The following TEX101 variants were observed in gnomAD, a reference collection of about 807,000 sequenced individuals.
TEX101 encodes testis expressed 101.
TEX101 carries 10 observed loss-of-function variants against 18.1 expected under a neutral mutation model. The ratio of observed to expected loss-of-function variants is 0.55; its 90% CI spans 0.34 to 0.94. TEX101 has a LOEUF of 0.94. Ranked by LOEUF, TEX101 falls within the 40% of genes least tolerant of loss-of-function variation. The probability of loss-of-function intolerance (pLI) is 0.02; values close to 1 mark genes in which losing one functional copy is unlikely to be tolerated. For synonymous variants in TEX101, 94 were observed against 114.8 expected, an observed-to-expected ratio of 0.82 and a Z score of 1.16; for missense variants, 259 against 298.9, an observed-to-expected ratio of 0.87 and a Z score of 0.98.
At chr19:43,395,622 G>A in the TEX101 span, among the ~76,000 whole-genome samples, 5 of 152,210 alleles carry the variant, frequency 3.3e-5, no homozygotes, top group Non-Finnish European at 7.3e-5. Context: ...TCCCAGGAAC[G>A]GCACAGACAG....
Position 43,414,903 on chromosome 19 carries a change from G to C in TEX101, c.-175G>C, listed in dbSNP as rs540140506. 7.1e-6 allele frequency: 7 copies of C among 985,482 alleles called. No homozygotes were observed. Among genetic ancestry groups the C allele is most frequent in the Non-Finnish European group, 8.4e-6 (7 of 829,950 alleles). 61.0% of individuals were successfully genotyped at this position (985,482 alleles called of 1,614,324 possible). On this transcript the variant is annotated 5_prime_UTR_variant, in exon 1 of 6. Coordinates refer to ENST00000598265, the MANE Select transcript of TEX101 (RefSeq NM_001130011.3). ...GCCTTGCGTCGTAAGAGAATGCCAA[G>C]CCCGGGGAGAAGGCGTTCCGGGCCT...
chr19:43,415,794 C>T lies in TEX101; in HGVS notation c.-39-87C>T. 2.5e-6 allele frequency: 3 copies of T among 1,190,714 alleles called. No homozygotes were observed. The South Asian group carries it at 4.0e-5, about 16-fold the overall frequency. The allele number at this position is 1,190,714 out of a possible 1,614,324, so 73.8% of individuals were successfully genotyped here. A position where few individuals can be genotyped will look rare whatever the true frequency, so the allele number is the denominator to read the frequency against. On this transcript the variant is annotated intron_variant, in intron 1 of 5. Transcript: ENST00000598265. ...AAAAATGCAGATTAAAACACCCCAC[C>T]CTGAAGTCAGTACTTGCCAGGACCT...
At chr19:43,392,994 G>C in the TEX101 span, among the ~76,000 whole-genome samples, 1 of 151,812 alleles carries the variant, frequency 6.6e-6, no homozygotes, top group Non-Finnish European at 1.5e-5. Flanking sequence ...GGAGGCAGAG[G>C]TTGCAGTGAG....
At chr19:43,410,189 A>C (rs1970406147), upstream of TEX101, among the ~76,000 whole-genome samples, 1 of 152,198 alleles carries the variant, frequency 6.6e-6, no homozygotes, top group South Asian at 2.1e-4. Context: ...GCCTGTTGGT[A>C]GGAGAACTGG....
chr19:43,413,236 G>A (rs1469280079), upstream of TEX101, among the ~76,000 whole-genome samples: 2 of 152,168 alleles, frequency 1.3e-5, no homozygotes, highest in African/African-American at 4.8e-5. Flanking sequence ...GGCCAGGCGT[G>A]GTGGCTCATG....
At chr19:43,411,450 T>C (rs1483074601), upstream of TEX101, among the ~76,000 whole-genome samples, 1 of 152,056 alleles carries the variant, frequency 6.6e-6, no homozygotes, top group Non-Finnish European at 1.5e-5. Flanking sequence ...AGGTGGGAAA[T>C]AGCCACATGG....
At chr19:43,396,821 T>G (rs1351320692), upstream of TEX101, among the ~76,000 whole-genome samples, 1 of 149,872 alleles carries the variant, frequency 6.7e-6, no homozygotes, top group Non-Finnish European at 1.5e-5. Flanking sequence ...AAGAGTGTTT[T>G]CAGCATTTTT....
upstream of TEX101, among the ~76,000 whole-genome samples, chr19:43,396,830 T>C (rs78532001): frequency 1.2e-5 from 1 of 80,762 alleles, no homozygotes; most frequent in East Asian, 1.3e-3. Context: ...TTCAGCATTT[T>C]TTTTTTTTTT....
intron 4 of TEX101, 129 bp from the exon 5 acceptor site, chr19:43,417,749 G>A: frequency 8.5e-7 from 1 of 1,176,472 alleles, no homozygotes; most frequent in Non-Finnish European, 1.2e-6. Flanking sequence ...GGGAAGGATG[G>A]GGAGGCTGAA....
upstream of TEX101, among the ~76,000 whole-genome samples, chr19:43,398,707 C>T (rs1282562046): frequency 6.6e-6 from 1 of 152,154 alleles, no homozygotes; most frequent in Non-Finnish European, 1.5e-5. Flanking sequence ...GTGGAGTCAA[C>T]TTATGCTAAA....
At chr19:43,413,955 C>CAA (rs546677693), upstream of TEX101, among the ~76,000 whole-genome samples, 2 of 145,128 alleles carry the variant, frequency 1.4e-5, no homozygotes, top group African/African-American at 2.5e-5. Context: ...GCTCTGTCTC[C>CAA]AAAAAAAAAA....
chr19:43,417,896 C>T lies in TEX101; in HGVS notation c.410C>T (p.Thr137Ile), dbSNP rs1272386473. 6.2e-7 allele frequency: 1 copy of T among 1,614,156 alleles called. No homozygotes were observed. Among genetic ancestry groups the T allele is most frequent in the Admixed American group, 1.7e-5 (1 of 60,004 alleles). Reference protein sequence around the residue: ...SETTASTVSTTLHCPTCVALG... With the variant: ...SETTASTVSTILHCPTCVALG... ...CCTCCAGCTTCCACTGTGTCAACAA[C>T]CCTCCATTGTCCAACCTGTGTGGCT... Residue 137 changes from threonine to isoleucine, a missense_variant, in exon 5 of 6, where the codon ACC becomes ATC. By Grantham distance (89) the Thr-to-Ile change is moderately conservative. Coordinates refer to ENST00000598265, the MANE Select transcript of TEX101 (RefSeq NM_001130011.3).
At chr19:43,391,406 CTTTTTTT>C in the TEX101 span, among the ~76,000 whole-genome samples, 11 of 95,898 alleles carry the variant, frequency 1.1e-4, no homozygotes, top group Non-Finnish European at 1.6e-4. Flanking sequence ...TTCTGTTTTT[CTTTTTTT>C]TTTTTTTTTT....
chr19:43,403,165 G>A (rs544815504), intron 2 of TEX101, among the ~76,000 whole-genome samples: 2 of 152,178 alleles, frequency 1.3e-5, no homozygotes, highest in East Asian at 3.9e-4. Flanking sequence ...CATTGATCTG[G>A]TGCCTCCACT....
chr19:43,412,892 C>T (rs769568510), upstream of TEX101, among the ~76,000 whole-genome samples: 7 of 152,122 alleles, frequency 4.6e-5, no homozygotes, highest in Non-Finnish European at 8.8e-5. Context: ...CTGCTGCCCT[C>T]CTCCCCCGAC....
chr19:43,415,795 C>G (rs1364744662), intron 1 of TEX101, 86 bp from the exon 2 acceptor site: 1 of 1,200,924 alleles, frequency 8.3e-7, no homozygotes, highest in African/African-American at 1.5e-5. Context: ...ACACCCCACC[C>G]TGAAGTCAGT....
chr19:43,390,058 T>A, the TEX101 span, among the ~76,000 whole-genome samples: 1 of 152,350 alleles, frequency 6.6e-6, no homozygotes, highest in East Asian at 1.9e-4. Context: ...GTGCTCCAGC[T>A]GCTAAGAGAG....
chr19:43,410,548 T>G (rs1208893594), upstream of TEX101, among the ~76,000 whole-genome samples: 2 of 152,008 alleles, frequency 1.3e-5, no homozygotes, highest in African/African-American at 4.8e-5. Flanking sequence ...AGGTATGTGG[T>G]GGCTCACTGT....
chr19:43,389,321 G>A, the TEX101 span, among the ~76,000 whole-genome samples: 7 of 152,240 alleles, frequency 4.6e-5, no homozygotes, highest in Non-Finnish European at 7.3e-5. Context: ...AGGTGCTCCC[G>A]TGAAAGACTC....
Sources: gnomAD v4.1 joint callset for allele counts (sites outside exome capture counted in the v4.1 genomes callset) on GRCh38, gnomAD v4.1.1 for gene constraint, MANE v1.5 for transcripts, NCBI Gene and HGNC (gene_info 2026-07-23, HGNC 2026-07-21) for gene names.